Variants in C1QTNF3 observed in about 807,000 individuals in gnomAD.
C1QTNF3 encodes the protein C1q and TNF related 3, also known as complement C1q tumor necrosis factor-related protein 3.
In C1QTNF3, 26 loss-of-function variants were observed where a neutral mutation model predicts 32.6. The ratio of observed to expected loss-of-function variants is 0.80; its 90% CI spans 0.58 to 1.11. C1QTNF3 has a LOEUF of 1.11. Ranked by LOEUF, C1QTNF3 falls within the 50% of genes least tolerant of loss-of-function variation. The pLI, the probability that C1QTNF3 is intolerant of heterozygous loss-of-function variation, is 0.00. For synonymous variants in C1QTNF3, 155 were observed against 146.0 expected (o/e 1.06, Z -0.44); for missense variants, 362 against 398.2 (o/e 0.91, Z 0.77).
the C1QTNF3 span, among the ~76,000 whole-genome samples, chr5:34,162,935 AGAGAG>A: frequency 1.3e-5 from 2 of 152,124 alleles, no homozygotes; most frequent in Non-Finnish European, 2.9e-5. Flanking sequence ...GCTACAGAGA[AGAGAG>A]AACAAGATAA....
the C1QTNF3 span, among the ~76,000 whole-genome samples, chr5:34,101,958 C>A: frequency 1.4e-5 from 2 of 147,688 alleles, no homozygotes; most frequent in African/African-American, 5.0e-5. Flanking sequence ...TGCCTTTCAT[C>A]TTTTTGTTAT....
the C1QTNF3 span, among the ~76,000 whole-genome samples, chr5:34,130,181 A>G: frequency 6.6e-6 from 1 of 151,878 alleles, no homozygotes; most frequent in Non-Finnish European, 1.5e-5. Flanking sequence ...ATATGTGCAT[A>G]TATATTTCCC....
the C1QTNF3 span, among the ~76,000 whole-genome samples, chr5:34,130,252 C>CT: frequency 8.6e-5 from 13 of 151,828 alleles, no homozygotes; most frequent in South Asian, 6.3e-4. Context: ...AATTTAAATA[C>CT]TTTTTTTTAT....
chr5:34,052,901 T>G, the C1QTNF3 span, among the ~76,000 whole-genome samples: 1 of 152,194 alleles, frequency 6.6e-6, no homozygotes, highest in Non-Finnish European at 1.5e-5. Context: ...AAACAATTTC[T>G]TTTTTTAGTA....
At chr5:34,089,151 T>G in the C1QTNF3 span, among the ~76,000 whole-genome samples, 1 of 152,168 alleles carries the variant, frequency 6.6e-6, no homozygotes, top group Non-Finnish European at 1.5e-5. Flanking sequence ...CCTGATTCTG[T>G]GGGATGGTAT....
At chr5:34,143,296 A>G in the C1QTNF3 span, among the ~76,000 whole-genome samples, 2 of 152,222 alleles carry the variant, frequency 1.3e-5, no homozygotes, top group Admixed American at 1.3e-4. Context: ...GAGATCAAAT[A>G]TATGACTCAT....
the C1QTNF3 span, among the ~76,000 whole-genome samples, chr5:34,222,905 T>C: frequency 6.6e-6 from 1 of 152,008 alleles, no homozygotes; most frequent in African/African-American, 2.4e-5. Context: ...ATAAATATTA[T>C]AATACTAATG....
chr5:34,051,738 A>G, the C1QTNF3 span, among the ~76,000 whole-genome samples: 4 of 152,224 alleles, frequency 2.6e-5, no homozygotes, highest in Non-Finnish European at 5.9e-5. Flanking sequence ...AAACAATGCC[A>G]CGTCCTAGAC....
the C1QTNF3 span, among the ~76,000 whole-genome samples, chr5:34,172,355 T>C: frequency 1.3e-5 from 2 of 151,630 alleles, no homozygotes; most frequent in Non-Finnish European, 1.5e-5. Context: ...AAATATCTTG[T>C]TGTTATACAC....
the C1QTNF3 span, among the ~76,000 whole-genome samples, chr5:34,080,647 A>G: frequency 6.6e-6 from 1 of 151,824 alleles, no homozygotes; most frequent in South Asian, 2.1e-4. Context: ...TAGATATATC[A>G]CAAAATGCAT....
At chr5:34,070,345 T>C in the C1QTNF3 span, among the ~76,000 whole-genome samples, 1 of 152,210 alleles carries the variant, frequency 6.6e-6, no homozygotes, top group South Asian at 2.1e-4. Context: ...ATAAATAAAC[T>C]TAAAATAATT....
chr5:34,222,004 G>A, the C1QTNF3 span, among the ~76,000 whole-genome samples: 1 of 151,880 alleles, frequency 6.6e-6, no homozygotes, highest in Non-Finnish European at 1.5e-5. Flanking sequence ...GGTCCAAGCT[G>A]TTTTCCTAGA....
chr5:34,095,155 C>A, the C1QTNF3 span, among the ~76,000 whole-genome samples: 1 of 151,838 alleles, frequency 6.6e-6, no homozygotes, highest in Non-Finnish European at 1.5e-5. Context: ...ACTATAGTCA[C>A]TCTACTCTAC....
At chr5:34,026,469 A>AG (rs1220808419) in intron 4 of C1QTNF3, among the ~76,000 whole-genome samples, 22 of 143,134 alleles carry the variant, frequency 1.5e-4, no homozygotes, top group African/African-American at 6.0e-4. Flanking sequence ...AAAAAAAAAA[A>AG]AAAAGAAAAG....
chr5:34,038,016 T>C (rs1394349832), intron 1 of C1QTNF3, among the ~76,000 whole-genome samples: 4 of 152,192 alleles, frequency 2.6e-5, no homozygotes, highest in Admixed American at 2.6e-4. Flanking sequence ...AGGAATGGAA[T>C]GGAAATACTG....
chr5:34,066,029 G>C, the C1QTNF3 span, among the ~76,000 whole-genome samples: 1 of 152,196 alleles, frequency 6.6e-6, no homozygotes, highest in Non-Finnish European at 1.5e-5. Flanking sequence ...ATACAAAGTT[G>C]TATGTATGCT....
At chr5:34,160,067 T>C in the C1QTNF3 span, among the ~76,000 whole-genome samples, 4 of 152,342 alleles carry the variant, frequency 2.6e-5, no homozygotes, top group South Asian at 4.1e-4. Context: ...ATATAGGGTA[T>C]AGAGTTCATT....
At chr5:34,063,451 T>A in the C1QTNF3 span, among the ~76,000 whole-genome samples, 1 of 151,948 alleles carries the variant, frequency 6.6e-6, no homozygotes, top group Non-Finnish European at 1.5e-5. Context: ...CCAGTTCTAG[T>A]TGTTAAAGTA....
the C1QTNF3 span, among the ~76,000 whole-genome samples, chr5:34,077,581 T>C: frequency 2.6e-5 from 4 of 151,764 alleles, no homozygotes; most frequent in African/African-American, 9.7e-5. Flanking sequence ...ACATTTTCTT[T>C]ACATTTTTGA....
Sources: allele counts gnomAD v4.1 joint callset (sites outside exome capture counted in the v4.1 genomes callset), GRCh38; gene constraint gnomAD v4.1.1; transcripts MANE v1.5; gene names NCBI Gene and HGNC (gene_info 2026-07-23, HGNC 2026-07-21).